The following TBL1Y variants were observed in gnomAD, a reference collection of about 807,000 sequenced individuals.
TBL1Y encodes F-box-like/WD repeat-containing protein TBL1Y.
Under a neutral mutation model 12.0 loss-of-function variants are expected in TBL1Y, and 15 were observed. The observed-to-expected ratio is 1.25, with a 90% CI of 0.83 to 1.92. The LOEUF is 1.92. Among genes scored for constraint, TBL1Y ranks in the 40% most tolerant of loss-of-function variants. The pLI is 0.00. For missense variants in TBL1Y, 148 were observed against 116.7 expected (o/e 1.27, Z -1.24); for synonymous variants, 53 against 42.6 (o/e 1.24, Z -0.95).
chrY:6,936,774 T>C (rs916276429), intron 2 of TBL1Y, among the ~76,000 whole-genome samples: 2 of 33,370 alleles, frequency 6.0e-5, no homozygotes, highest in Non-Finnish European at 1.5e-4. Flanking sequence ...CTCAGTTCTT[T>C]CCTTTCAGGT....
intron 2 of TBL1Y, among the ~76,000 whole-genome samples, chrY:6,957,669 A>G (rs2012078621): frequency 3.0e-5 from 1 of 33,570 alleles, no homozygotes; most frequent in South Asian, 6.8e-4. Flanking sequence ...ATCATAAAGC[A>G]AGAGAAGCCC....
intron 2 of TBL1Y, among the ~76,000 whole-genome samples, chrY:6,963,912 G>C (rs2012150515): frequency 8.9e-5 from 3 of 33,898 alleles, no homozygotes; most frequent in African/African-American, 2.3e-4. Flanking sequence ...CCTGACAATG[G>C]TTGCCCATTT....
chrY:6,939,029 A>G (rs756419624), intron 2 of TBL1Y, among the ~76,000 whole-genome samples: 2 of 34,318 alleles, frequency 5.8e-5, no homozygotes, highest in South Asian at 1.3e-3. Context: ...AGAAGAACAA[A>G]GCTGCCACAG....
At chrY:7,090,606 A>C in intron 18 of TBL1Y, among the ~76,000 whole-genome samples, 1 of 33,536 alleles carries the variant, frequency 3.0e-5, no homozygotes, top group African/African-American at 1.2e-4. Context: ...AAACTGACTC[A>C]ATCCTAAATG....
chrY:6,977,924 C>T, intron 2 of TBL1Y, among the ~76,000 whole-genome samples: 2 of 33,334 alleles, frequency 6.0e-5, no homozygotes, highest in African/African-American at 2.3e-4. Flanking sequence ...GCACTGTGGC[C>T]GGAAGAGTGA....
chrY:6,977,327 C>T, intron 2 of TBL1Y, among the ~76,000 whole-genome samples: 1 of 33,264 alleles, frequency 3.0e-5, no homozygotes, highest in Non-Finnish European at 7.4e-5. Context: ...ATGACACCTG[C>T]ACAATCAGGT....
chrY:7,006,352 G>A (rs1025418357), intron 4 of TBL1Y, among the ~76,000 whole-genome samples: 4 of 33,147 alleles, frequency 1.2e-4, no homozygotes, highest in African/African-American at 4.7e-4. Flanking sequence ...AAAAACAAGC[G>A]ATGGGGAAAG....
chrY:6,976,058 G>A, intron 2 of TBL1Y, among the ~76,000 whole-genome samples: 1 of 32,200 alleles, frequency 3.1e-5, no homozygotes, highest in Non-Finnish European at 7.5e-5. Context: ...TTAGCCTCCC[G>A]AGTAGCTGGG....
chrY:7,038,753 C>G, intron 6 of TBL1Y, among the ~76,000 whole-genome samples: 1 of 33,432 alleles, frequency 3.0e-5, no homozygotes, highest in Non-Finnish European at 7.4e-5. Context: ...TTAAGGAACC[C>G]AACCCATCAC....
chrY:6,933,956 C>T, intron 2 of TBL1Y, among the ~76,000 whole-genome samples: 1 of 32,936 alleles, frequency 3.0e-5, no homozygotes, highest in East Asian at 8.1e-4. Flanking sequence ...AATAAAAATC[C>T]CATGGAGCTT....
chrY:7,030,341 T>C (rs2012647287), intron 6 of TBL1Y, among the ~76,000 whole-genome samples: 1 of 34,192 alleles, frequency 2.9e-5, no homozygotes, highest in African/African-American at 1.1e-4. Context: ...GCTAATTTCA[T>C]GAATCTGTCA....
At chrY:6,956,987 C>T in intron 2 of TBL1Y, among the ~76,000 whole-genome samples, 1 of 33,731 alleles carries the variant, frequency 3.0e-5, no homozygotes, top group Non-Finnish European at 7.3e-5. Context: ...CCTCTTCACC[C>T]CCTAGCCCCT....
intron 5 of TBL1Y, among the ~76,000 whole-genome samples, chrY:7,023,195 C>T (rs2012591605): frequency 3.2e-5 from 1 of 31,678 alleles, no homozygotes; most frequent in African/African-American, 1.2e-4. Flanking sequence ...ATCAGTAAGG[C>T]TGGGAATAAC....
At chrY:6,967,981 G>C in intron 2 of TBL1Y, among the ~76,000 whole-genome samples, 2 of 33,082 alleles carry the variant, frequency 6.0e-5, no homozygotes, top group Admixed American at 5.4e-4. Flanking sequence ...TCACGGGGCC[G>C]GCAGGGATGG....
At chrY:7,003,621 G>A (rs748376762) in intron 4 of TBL1Y, among the ~76,000 whole-genome samples, 1 of 33,528 alleles carries the variant, frequency 3.0e-5, no homozygotes, top group African/African-American at 1.2e-4. Context: ...CAAATGTCTG[G>A]AAGAAGCCTT....
intron 6 of TBL1Y, among the ~76,000 whole-genome samples, chrY:7,029,567 C>A: frequency 3.0e-5 from 1 of 33,873 alleles, no homozygotes; most frequent in African/African-American, 1.2e-4. Context: ...ACCACAACAC[C>A]CAACCAAAAT....
chrY:6,998,591 T>TA (rs2012425481), intron 4 of TBL1Y, among the ~76,000 whole-genome samples: 26 of 27,070 alleles, frequency 9.6e-4, no homozygotes, highest in South Asian at 6.9e-3. Flanking sequence ...TCCCAAAAAT[T>TA]AAAAAAAAAA....
At chrY:7,087,795 C>T in intron 17 of TBL1Y, among the ~76,000 whole-genome samples, 1 of 33,104 alleles carries the variant, frequency 3.0e-5, no homozygotes, top group African/African-American at 1.2e-4. Flanking sequence ...CTTCTTAGCA[C>T]TTATCACCAA....
chrY:7,032,301 T>C (rs2012661492), intron 6 of TBL1Y, among the ~76,000 whole-genome samples: 4 of 33,069 alleles, frequency 1.2e-4, no homozygotes, highest in Non-Finnish European at 3.0e-4. Context: ...TGGGCAACAG[T>C]GAGACCCTGT....
Sources: gnomAD v4.1 joint callset for allele counts (sites outside exome capture counted in the v4.1 genomes callset) on GRCh38, gnomAD v4.1.1 for gene constraint, MANE v1.5 for transcripts, NCBI Gene and HGNC (gene_info 2026-07-23, HGNC 2026-07-21) for gene names.